Variants in TUT4 observed in about 807,000 individuals in gnomAD.
TUT4 encodes the protein terminal uridylyltransferase 4.
Under a neutral mutation model 192.2 loss-of-function variants are expected in TUT4, and 36 were observed. The ratio of observed to expected loss-of-function variants is 0.19; its 90% CI spans 0.14 to 0.25. TUT4 has a LOEUF of 0.25. Ranked by LOEUF, TUT4 falls within the 10% of genes least tolerant of loss-of-function variation. The pLI, the probability that TUT4 is intolerant of heterozygous loss-of-function variation, is 1.00. For missense variants in TUT4, 1,493 were observed against 1,957.2 expected, an observed-to-expected ratio of 0.76 and a Z score of 4.47; for synonymous variants, 618 against 666.0, an observed-to-expected ratio of 0.93 and a Z score of 1.11.
chr1:52,492,718 T>C (rs541064452), intron 7 of TUT4, among the ~76,000 whole-genome samples: 5 of 152,342 alleles, frequency 3.3e-5, no homozygotes, highest in East Asian at 1.9e-4. Flanking sequence ...ATCTTGAAGA[T>C]TGTAACACAT....
intron 7 of TUT4, among the ~76,000 whole-genome samples, chr1:52,492,742 G>A (rs1461784556): frequency 6.6e-6 from 1 of 152,178 alleles, no homozygotes; most frequent in Non-Finnish European, 1.5e-5. Context: ...CTGGAGCCTG[G>A]TTTGAGAATC....
chr1:52,426,253 A>T (rs975987888), intron 28 of TUT4, among the ~76,000 whole-genome samples: 4 of 147,888 alleles, frequency 2.7e-5, no homozygotes, highest in Non-Finnish European at 4.4e-5. Context: ...ACCTCAGATT[A>T]TGAGGTTTAA....
At chr1:52,484,419 C>T (rs931607793) in intron 9 of TUT4, among the ~76,000 whole-genome samples, 8 of 151,980 alleles carry the variant, frequency 5.3e-5, no homozygotes, top group African/African-American at 1.9e-4. Context: ...ACTTGAGCGT[C>T]CTCAAATTTT....
chr1:52,445,707 C>A (rs1382762882), intron 24 of TUT4, 80 bp downstream of exon 24: 1 of 1,056,098 alleles, frequency 9.5e-7, no homozygotes. Flanking sequence ...CTATATCTAA[C>A]ATCAGTTTGG....
At chr1:52,522,746 C>T (rs946647599) in intron 2 of TUT4, among the ~76,000 whole-genome samples, 12 of 151,862 alleles carry the variant, frequency 7.9e-5, no homozygotes, top group African/African-American at 2.9e-4. Context: ...GCCAACATGG[C>T]GAAACCCCAT....
intron 20 of TUT4, among the ~76,000 whole-genome samples, chr1:52,450,183 A>C (rs1317008982): frequency 6.6e-6 from 1 of 152,218 alleles, no homozygotes; most frequent in Non-Finnish European, 1.5e-5. Context: ...TATAAAGTTA[A>C]AGCTTAATTA....
intron 2 of TUT4, among the ~76,000 whole-genome samples, chr1:52,523,285 G>A (rs889341924): frequency 8.8e-5 from 13 of 147,112 alleles, no homozygotes; most frequent in Non-Finnish European, 1.5e-4. Flanking sequence ...GAGCCACCGC[G>A]CCTGGCCAAT....
intron 1 of TUT4, among the ~76,000 whole-genome samples, chr1:52,550,323 G>C (rs192517522): frequency 6.6e-6 from 1 of 151,980 alleles, no homozygotes; most frequent in Non-Finnish European, 1.5e-5. Flanking sequence ...AGGTCTTTCT[G>C]GAATTGTTCT....
rs1049396675 is a variant in TUT4 at position 52,423,729 on chromosome 1, T to C, written c.*206A>G. 1 of 1,220,614 alleles carries C rather than the reference T, an allele frequency of 8.2e-7. No individual in the cohort carries two copies. The highest frequency in any genetic ancestry group is 1.1e-6 in the Non-Finnish European group (1 of 881,642). 75.6% of individuals were successfully genotyped at this position (1,220,614 alleles called of 1,614,324 possible). ...ATAGTTCATATTTATATACAAATAA[T>C]ACAGTCTGTAAAAACAGTCTTAGAA... On this transcript the variant is annotated 3_prime_UTR_variant, in exon 30 of 30. Coordinates refer to ENST00000257177, the MANE Select transcript of TUT4 (RefSeq NM_001009881.3).
intron 15 of TUT4, among the ~76,000 whole-genome samples, chr1:52,466,002 T>G (rs959270162): frequency 6.6e-6 from 1 of 152,066 alleles, no homozygotes; most frequent in African/African-American, 2.4e-5. Context: ...CACCTCAACC[T>G]CCCAAGTGGC....
intron 20 of TUT4, among the ~76,000 whole-genome samples, chr1:52,457,231 TTTTTC>T (rs1259253587): frequency 1.3e-5 from 2 of 152,048 alleles, no homozygotes; most frequent in Non-Finnish European, 2.9e-5. Context: ...ATTTTTCTTT[TTTTTC>T]TTTTCTTTTT....
intron 15 of TUT4, among the ~76,000 whole-genome samples, chr1:52,467,005 C>T (rs912469202): frequency 2.6e-5 from 4 of 151,926 alleles, no homozygotes; most frequent in Non-Finnish European, 5.9e-5. Flanking sequence ...ATTAGCTAAG[C>T]ATGGTGGCAC....
chr1:52,513,921 T>C (rs1220033817), intron 3 of TUT4, among the ~76,000 whole-genome samples: 1 of 152,160 alleles, frequency 6.6e-6, no homozygotes, highest in African/African-American at 2.4e-5. Flanking sequence ...GTTATGAGGA[T>C]TAAATAACAC....
At chr1:52,522,395 G>A (rs936297491) in intron 2 of TUT4, among the ~76,000 whole-genome samples, 5 of 152,128 alleles carry the variant, frequency 3.3e-5, no homozygotes, top group South Asian at 2.1e-4. Flanking sequence ...GCATGCCCAC[G>A]TGTCCGGTAC....
At chr1:52,425,279 C>T in intron 29 of TUT4, 70 bp downstream of exon 29, 2 of 1,519,280 alleles carry the variant, frequency 1.3e-6, no homozygotes, top group Non-Finnish European at 1.8e-6. Flanking sequence ...AGATCCTGGC[C>T]TTCACTAAGG....
rs1457465735 is a variant in TUT4, at chr1:52,475,032, C to T, written c.2527G>A (p.Asp843Asn). The T allele has an allele frequency of 2.5e-6, 4 of 1,614,064 alleles. No individual in the cohort carries two copies. The highest frequency in any genetic ancestry group is 2.5e-6 in the Non-Finnish European group (3 of 1,180,044). ...TCTGTTCCAGTAGATTTATCTGGGTCAGGCGACTTAGACAAATCAATGCAA... is the reference window on the plus strand; with the variant it reads ...TCTGTTCCAGTAGATTTATCTGGGTTAGGCGACTTAGACAAATCAATGCAA... ...CNCIDLSKSP[D>N]PDKSTGTDCR... The change falls in exon 13 of 30, where the codon GAC (aspartate) becomes AAC (asparagine). Residue 843 changes from aspartate (D) to asparagine (N), a missense_variant. This residue lies in a region of TUT4 where 245 missense variants were observed against 218.4 expected (regional missense o/e 1.12). Coordinates refer to ENST00000257177, the MANE Select transcript of TUT4 (RefSeq NM_001009881.3).
At chr1:52,547,598 T>C (rs1030681106) in intron 1 of TUT4, among the ~76,000 whole-genome samples, 1 of 152,128 alleles carries the variant, frequency 6.6e-6, no homozygotes, top group African/African-American at 2.4e-5. Flanking sequence ...CACCATTCCT[T>C]ATAGGCAAAA....
At chr1:52,530,769 G>A (rs1024990678) in intron 1 of TUT4, among the ~76,000 whole-genome samples, 1 of 152,158 alleles carries the variant, frequency 6.6e-6, no homozygotes, top group Non-Finnish European at 1.5e-5. Flanking sequence ...ATAGGAGGCT[G>A]AGGTAGGCTG....
chr1:52,429,332 G>T (rs560431286), intron 28 of TUT4, among the ~76,000 whole-genome samples: 1 of 151,486 alleles, frequency 6.6e-6, no homozygotes, highest in African/African-American at 2.4e-5. Context: ...TGATCCACCC[G>T]CCTCAGCCTC....
Sources: gnomAD v4.1 joint callset for allele counts (sites outside exome capture counted in the v4.1 genomes callset) on GRCh38, gnomAD v4.1.1 for gene constraint, gnomAD v4.1.1 regional missense constraint, MANE v1.5 for transcripts, NCBI Gene and HGNC (gene_info 2026-07-23, HGNC 2026-07-21) for gene names.